The following GCC2 variants were observed in gnomAD, a reference collection of about 807,000 sequenced individuals.
The protein encoded by GCC2 is GRIP and coiled-coil domain-containing protein 2.
GCC2 carries 120 observed loss-of-function variants against 210.6 expected under a neutral mutation model. The observed-to-expected ratio is 0.57, with a 90% CI of 0.49 to 0.66. GCC2 has a LOEUF of 0.66. Among genes scored for constraint, GCC2 ranks in the 30% least tolerant of loss-of-function variants. The pLI is 0.00. For missense variants in GCC2, 1,868 were observed against 1,871.9 expected, an observed-to-expected ratio of 1.00 and a Z score of 0.04; for synonymous variants, 703 against 652.7, an observed-to-expected ratio of 1.08 and a Z score of -1.17.
intron 4 of GCC2, among the ~76,000 whole-genome samples, chr2:108,459,700 T>C (rs531804153): frequency 6.7e-6 from 1 of 149,098 alleles, no homozygotes; most frequent in East Asian, 2.1e-4. Context: ...GTTACATCTT[T>C]TTGCTGGTTT....
At chr2:108,462,839 AG>A (rs1680678601) in intron 4 of GCC2, among the ~76,000 whole-genome samples, 1 of 151,806 alleles carries the variant, frequency 6.6e-6, no homozygotes, top group African/African-American at 2.4e-5. Context: ...CTGGGATTAC[AG>A]GCATGAGCCA....
At position 108,507,894 on chromosome 2, in the gene GCC2, C is replaced by CCTGGA. The variant is rs1683284459; in HGVS notation, c.*264_*265insCTGGA. 1 of 325,156 alleles carries CCTGGA rather than the reference C, an allele frequency of 3.1e-6. No individual in the cohort carries two copies. Among genetic ancestry groups the CCTGGA allele is most frequent in the Non-Finnish European group, 5.9e-6 (1 of 168,124 alleles). 20.1% of individuals were successfully genotyped at this position (325,156 alleles called of 1,614,324 possible). ...AGAATAAAACCACCAGGAATGAATTCACTCCCCACTTCTCTGGAACCTCAG... is the reference window on the plus strand; with the variant it reads ...AGAATAAAACCACCAGGAATGAATTCCTGGAACTCCCCACTTCTCTGGAACCTCAG... On this transcript the variant is annotated 3_prime_UTR_variant, in exon 23 of 23. Coordinates refer to ENST00000309863, the MANE Select transcript of GCC2 (RefSeq NM_181453.4).
chr2:108,500,726 A>G (rs1027955992), intron 22 of GCC2, among the ~76,000 whole-genome samples: 4 of 152,234 alleles, frequency 2.6e-5, no homozygotes, highest in African/African-American at 9.6e-5. Context: ...GCATACAAGG[A>G]AGACACTATA....
At chr2:108,450,935 A>T in intron 2 of GCC2, 93 bp from the exon 3 acceptor site, 1 of 779,830 alleles carries the variant, frequency 1.3e-6, no homozygotes. Flanking sequence ...TATTCTGTAG[A>T]ATGTTTTTGT....
chr2:108,451,910 C>T (rs1025964477), intron 3 of GCC2, among the ~76,000 whole-genome samples: 3 of 145,136 alleles, frequency 2.1e-5, no homozygotes, highest in Non-Finnish European at 4.5e-5. Context: ...GTGGCGCAAT[C>T]TCGGCTTACT....
rs1240810622 is a variant in GCC2, at chr2:108,470,442, T to C, written c.1113T>C (p.His371=). Residue 371 remains histidine (H), a synonymous_variant, in exon 6 of 23, where the codon CAT becomes CAC. Transcript: ENST00000309863. ...TAAAACTTGAAATGGATGCTCAACA[T>C]ATAAAGGATGAGTTTTTTCATGAAC... is the stretch of plus-strand genomic sequence containing the variant. The part of the protein sequence containing the change: ...LKLKLEMDAQ[H]IKDEFFHERE... 1 of 1,606,926 alleles carries C rather than the reference T, an allele frequency of 6.2e-7. No homozygotes were observed. Among genetic ancestry groups the C allele is most frequent in the Non-Finnish European group, 8.5e-7 (1 of 1,173,992 alleles).
chr2:108,449,819 T>G, intron 2 of GCC2, 130 bp downstream of exon 2: 1 of 686,998 alleles, frequency 1.5e-6, no homozygotes. Context: ...GGATCTCAAT[T>G]TTAGTGTGCG....
chr2:108,492,784 A>G lies in GCC2; in HGVS notation c.4441A>G (p.Thr1481Ala), dbSNP rs1189551783. The G allele has an allele frequency of 6.2e-7, 1 of 1,604,852 alleles. No homozygotes were observed. ...CTTCCAGCTTAAGAATGAACCGACC[A>G]CAAGAAGTATGTATGTACACATGGA... ...QLFQLKNEPT[T>A]RSPVSSQQSL... Residue 1481 changes from threonine (T) to alanine (A), a missense_variant, in exon 19 of 23, where the codon ACA (threonine) becomes GCA (alanine). Physicochemically the swap from Thr to Ala is moderately conservative, Grantham distance 58. Transcript: ENST00000309863.
At position 108,470,642 on chromosome 2, in the gene GCC2, C is replaced by A; in HGVS notation, c.1313C>A (p.Ser438Ter). The change falls in exon 6 of 23, where the codon TCA (serine) becomes TAA (stop). Residue 438 changes from serine (S) to a stop codon, truncating the protein, a stop_gained. Coordinates refer to ENST00000309863, the MANE Select transcript of GCC2 (RefSeq NM_181453.4). LOFTEE classifies it high-confidence loss of function. ...AAGGAACAACATCAAAAAGAAATAT[C>A]AGAACTAAATGAGACATTTTTGTCA... ...SLKEQHQKEI[S>*]ELNETFLSDS... 4 of 1,611,944 alleles carry A rather than the reference C, an allele frequency of 2.5e-6. No homozygotes were observed. Among genetic ancestry groups the A allele is most frequent in the Non-Finnish European group, 2.5e-6 (3 of 1,178,792 alleles).
At chr2:108,468,917 A>G (rs10179602) in intron 4 of GCC2, 63 bp from the exon 5 acceptor site, 402,090 of 995,854 alleles carry the variant, frequency 0.4, 90,378 homozygotes, top group East Asian at 0.84. Flanking sequence ...TCAGGAGATA[A>G]TTACGCATGT....
intron 9 of GCC2, among the ~76,000 whole-genome samples, chr2:108,479,980 CAAAAAAAAAAAAAAA>C (rs200934785): frequency 2.6e-5 from 3 of 114,534 alleles, no homozygotes; most frequent in African/African-American, 3.7e-5. Flanking sequence ...GACTCCATCT[CAAAAAAAAAAAAAAA>C]AAAAAAAAAA....
chr2:108,480,244 A>G (rs1449581980), intron 9 of GCC2, among the ~76,000 whole-genome samples: 2 of 152,250 alleles, frequency 1.3e-5, no homozygotes, highest in African/African-American at 2.4e-5. Flanking sequence ...CTACTATTAA[A>G]AAGTCAAAAA....
At chr2:108,456,977 C>T (rs1418010730) in intron 4 of GCC2, among the ~76,000 whole-genome samples, 1 of 151,346 alleles carries the variant, frequency 6.6e-6, no homozygotes, top group Non-Finnish European at 1.5e-5. Context: ...ATTTAAGATG[C>T]CTTTCAGTTT....
rs1164528786 is a variant in GCC2, at chr2:108,496,966, G to T, written c.4643-4G>T. The T allele has an allele frequency of 6.2e-7, 1 of 1,611,912 alleles. No homozygotes were observed. Among genetic ancestry groups the T allele is most frequent in the Non-Finnish European group, 8.5e-7 (1 of 1,179,834 alleles). On this transcript the variant is annotated splice_polypyrimidine_tract_variant and splice_region_variant and intron_variant, in intron 20 of 22. Transcript: ENST00000309863. ...AAATTAATTCTTGGAACAACATGTT[G>T]CAGAGCCTCCATTATGGCATGCTGA...
chr2:108,484,786 GT>G (rs1682044622), intron 13 of GCC2: 1 of 151,810 alleles, frequency 6.6e-6, no homozygotes, highest in Non-Finnish European at 1.5e-5. Flanking sequence ...CTATATCTCT[GT>G]TTTGGTACCA....
chr2:108,454,697 C>T (rs1162679168), intron 4 of GCC2, among the ~76,000 whole-genome samples: 1 of 152,136 alleles, frequency 6.6e-6, no homozygotes, highest in Non-Finnish European at 1.5e-5. Flanking sequence ...AATTCTTTCT[C>T]TATGATTCAG....
At chr2:108,469,250 A>G (rs1033399117) in intron 5 of GCC2, 166 bp downstream of exon 5, 25 of 493,514 alleles carry the variant, frequency 5.1e-5, no homozygotes, top group Non-Finnish European at 8.7e-5. Flanking sequence ...TCACCTAACT[A>G]TACAGCAACA....
At chr2:108,496,715 G>T in intron 20 of GCC2, 1 of 571,026 alleles carries the variant, frequency 1.8e-6, no homozygotes, top group African/African-American at 1.9e-5. Context: ...ACACAATTCT[G>T]ACAAATTTCA....
chr2:108,475,425 TATCAA>T (rs1050019704), intron 7 of GCC2, 105 bp from the exon 8 acceptor site: 1 of 528,300 alleles, frequency 1.9e-6, no homozygotes, highest in Non-Finnish European at 3.4e-6. Flanking sequence ...CTTATTTTAA[TATCAA>T]ATTACCAATT....
Sources: allele counts gnomAD v4.1 joint callset (sites outside exome capture counted in the v4.1 genomes callset), GRCh38; gene constraint gnomAD v4.1.1; transcripts MANE v1.5; gene names NCBI Gene and HGNC (gene_info 2026-07-23, HGNC 2026-07-21).